Variants in RBM28 observed in about 807,000 individuals in gnomAD.
RBM28 encodes RNA-binding protein 28.
RBM28 carries 78 observed loss-of-function variants against 98.3 expected under a neutral mutation model. The observed-to-expected ratio is 0.79, with a 90% CI of 0.66 to 0.96. The LOEUF is 0.96. Ranked by LOEUF, RBM28 falls within the 40% of genes least tolerant of loss-of-function variation. RBM28 has a pLI of 0.00. For missense variants in RBM28, 838 were observed against 913.0 expected (o/e 0.92, Z 1.06); for synonymous variants, 306 against 330.9 (o/e 0.92, Z 0.82).
intron 10 of RBM28, among the ~76,000 whole-genome samples, chr7:128,328,657 G>C (rs1796406063): frequency 6.6e-6 from 1 of 152,136 alleles, no homozygotes; most frequent in Non-Finnish European, 1.5e-5. Flanking sequence ...CACTAAAAAA[G>C]AGACAAAAGA....
At chr7:128,315,872 C>T (rs1280552455) in intron 16 of RBM28, among the ~76,000 whole-genome samples, 1 of 152,040 alleles carries the variant, frequency 6.6e-6, no homozygotes, top group Non-Finnish European at 1.5e-5. Context: ...AGAAAAATGA[C>T]ATAGGTCAGA....
Position 128,343,877 on chromosome 7 carries a change from AC to A in RBM28, c.-85del. On this transcript the variant is annotated 5_prime_UTR_variant, in exon 1 of 19. Transcript: ENST00000223073. ...CCGAAACGCTGGCTTTGGTAGGACA[AC>A]CAAGCTCACACGCCGAGAGATTCCG... 2.2e-6 allele frequency: 2 copies of A among 923,764 alleles called. No individual in the cohort carries two copies. Among genetic ancestry groups the A allele is most frequent in the Non-Finnish European group, 3.2e-6 (2 of 620,112 alleles). 57.2% of individuals were successfully genotyped at this position (923,764 alleles called of 1,614,324 possible). A position where few individuals can be genotyped will look rare whatever the true frequency, so the allele number is the denominator to read the frequency against.
rs761381312 is a variant in RBM28 at position 128,343,780 on chromosome 7, G to A, written c.14C>T (p.Thr5Ile). 8 of 1,605,744 alleles carry A rather than the reference G, an allele frequency of 5.0e-6. No individual in the cohort carries two copies. The highest frequency in any genetic ancestry group is 6.8e-6 in the Non-Finnish European group (8 of 1,176,120). MAGL[T>I]LFVGRLPPSA... ...GGGCGGGAGGCGGCCCACAAATAAG[G>A]TCAGGCCGGCCATGAGACCGGGAAA... The change falls in exon 1 of 19, where the codon ACC becomes ATC. Residue 5 changes from threonine to isoleucine, a missense_variant. Thr to Ile is a moderately conservative substitution (Grantham distance 89). Coordinates refer to ENST00000223073, the MANE Select transcript of RBM28 (RefSeq NM_018077.3).
In RBM28 at chr7:128,338,274, C is replaced by G. The variant is rs1223464790; in HGVS notation, c.517G>C (p.Gly173Arg). 22 of 1,614,088 alleles carry G rather than the reference C, an allele frequency of 1.4e-5. No individual in the cohort carries two copies. Among genetic ancestry groups the G allele is most frequent in the Non-Finnish European group, 1.8e-5 (21 of 1,179,980 alleles). Residue 173 changes from glycine to arginine, a missense_variant, in exon 5 of 19, where the codon GGC (glycine) becomes CGC (arginine). By Grantham distance (125) the Gly-to-Arg change is moderately radical. Coordinates refer to ENST00000223073, the MANE Select transcript of RBM28 (RefSeq NM_018077.3). ...CCTTTTATCTCTTTCATGTTCATGC[C>G]TTTGAGAGCTTTACCTGCTTCTAGG... ...NLLEAGKALK[G>R]MNMKEIKGRT...
intron 1 of RBM28, 92 bp downstream of exon 1, chr7:128,343,584 G>A: frequency 2.3e-6 from 2 of 862,208 alleles, no homozygotes; most frequent in East Asian, 2.8e-5. Context: ...TCTCTTCGGG[G>A]AGGGTAAAGA....
In RBM28 at chr7:128,307,811, T is replaced by C. The variant is rs746108683; in HGVS notation, c.*2986A>G. On this transcript the variant is annotated 3_prime_UTR_variant, in exon 19 of 19. Coordinates refer to ENST00000223073, the MANE Select transcript of RBM28 (RefSeq NM_018077.3). ...CCTTGTCTTGGATGTTAAGAAAAAATTTGCTGTTGTTTTTCAAAATAATAG... is the reference window on the plus strand; with the variant it reads ...CCTTGTCTTGGATGTTAAGAAAAAACTTGCTGTTGTTTTTCAAAATAATAG... The C allele has an allele frequency of 1.3e-5, 2 of 152,006 alleles. No individual in the cohort carries two copies. The highest frequency in any genetic ancestry group is 2.9e-5 in the Non-Finnish European group (2 of 67,996). The allele number at this position is 152,006 out of a possible 1,614,324, so 9.4% of individuals were successfully genotyped here.
In RBM28 at chr7:128,299,629, AACTGGT is replaced by A. The variant is rs965867953; in HGVS notation, c.*11162_*11167del. On this transcript the variant is annotated 3_prime_UTR_variant, in exon 19 of 19. Transcript: ENST00000223073. ...TGAATGGGATTTCCATCACATAAAG[AACTGGT>A]TATGTAAATTATGTTACACTGATAC... The A allele has an allele frequency of 1.3e-5, 2 of 152,228 alleles. No homozygotes were observed. The highest frequency in any genetic ancestry group is 4.8e-5 in the African/African-American group (2 of 41,456). 9.4% of individuals were successfully genotyped at this position (152,228 alleles called of 1,614,324 possible). A position where few individuals can be genotyped will look rare whatever the true frequency, so the allele number is the denominator to read the frequency against.
chr7:128,330,734 G>T, intron 10 of RBM28, 85 bp downstream of exon 10: 1 of 977,152 alleles, frequency 1.0e-6, no homozygotes, highest in Non-Finnish European at 1.7e-6. Context: ...CCTCAAAATG[G>T]CACACATTAT....
At position 128,318,051 on chromosome 7, in the gene RBM28, A is replaced by T; in HGVS notation, c.1619T>A (p.Leu540Gln). The T allele has an allele frequency of 6.2e-7, 1 of 1,614,088 alleles. No homozygotes were observed. ...TTGGAACTCCGCAAAGGCGTAGCCC[A>T]GGGACTGACCCTTCATGTTCCCATG... is the stretch of plus-strand genomic sequence containing the variant. ...GVHGNMKGQS[L>Q]GYAFAEFQEH... Residue 540 changes from leucine to glutamine, a missense_variant, in exon 15 of 19, where the codon CTG becomes CAG. Leu to Gln is a moderately radical substitution (Grantham distance 113, BLOSUM62 -2). Transcript: ENST00000223073.
At chr7:128,343,547 G>A in intron 1 of RBM28, 129 bp downstream of exon 1, 3 of 644,556 alleles carry the variant, frequency 4.7e-6, no homozygotes, top group Non-Finnish European at 8.0e-6. Context: ...GAATCAGTTT[G>A]GAAAAGAAAC....
chr7:128,331,129 C>A (rs377388196), intron 9 of RBM28, among the ~76,000 whole-genome samples: 5 of 152,214 alleles, frequency 3.3e-5, no homozygotes, highest in African/African-American at 1.2e-4. Context: ...AATCTGAAAA[C>A]GTAAACAGAC....
chr7:128,334,868 T>C (rs1366862962), intron 8 of RBM28, among the ~76,000 whole-genome samples: 1 of 152,122 alleles, frequency 6.6e-6, no homozygotes, highest in East Asian at 1.9e-4. Context: ...TTGCTGTGCT[T>C]ATAAGAAAAG....
At chr7:128,331,735 T>C (rs1161566390) in intron 9 of RBM28, among the ~76,000 whole-genome samples, 2 of 152,180 alleles carry the variant, frequency 1.3e-5, no homozygotes, top group Non-Finnish European at 2.9e-5. Context: ...GAAGGAAATT[T>C]TGTTGTCCTA....
At position 128,298,188 on chromosome 7, in the gene RBM28, G is replaced by A. The variant is rs1031325231; in HGVS notation, c.*12609C>T. Reference sequence around the variant, plus strand: ...AACATAGACCCTTATCAGTAGTTCTGTTTTGCCTTTTGTCTTGTTTCCTCA... The same window carrying A: ...AACATAGACCCTTATCAGTAGTTCTATTTTGCCTTTTGTCTTGTTTCCTCA... On this transcript the variant is annotated 3_prime_UTR_variant, in exon 19 of 19. Coordinates refer to ENST00000223073, the MANE Select transcript of RBM28 (RefSeq NM_018077.3). The A allele has an allele frequency of 1.3e-5, 2 of 152,052 alleles. No individual in the cohort carries two copies. The highest frequency in any genetic ancestry group is 2.9e-5 in the Non-Finnish European group (2 of 68,006). The allele number at this position is 152,052 out of a possible 1,614,324, so 9.4% of individuals were successfully genotyped here. A position where few individuals can be genotyped will look rare whatever the true frequency, so the allele number is the denominator to read the frequency against.
At chr7:128,342,815 A>AT (rs1201284690) in intron 1 of RBM28, among the ~76,000 whole-genome samples, 1 of 152,192 alleles carries the variant, frequency 6.6e-6, no homozygotes, top group East Asian at 1.9e-4. Context: ...CCTCTGTTTC[A>AT]GTACCTTTGA....
At chr7:128,327,123 C>A (rs1051434704) in intron 10 of RBM28, among the ~76,000 whole-genome samples, 3 of 151,172 alleles carry the variant, frequency 2.0e-5, no homozygotes, top group African/African-American at 7.3e-5. Flanking sequence ...CAGAGCGAGA[C>A]CTTGTCTCAA....
rs1235722905 is a variant in RBM28, at chr7:128,305,975, T to C, written c.*4822A>G. The C allele has an allele frequency of 2.6e-5, 4 of 152,344 alleles. No homozygotes were observed. Among genetic ancestry groups the C allele is most frequent in the African/African-American group, 9.6e-5 (4 of 41,574 alleles). 9.4% of individuals were successfully genotyped at this position (152,344 alleles called of 1,614,324 possible). On this transcript the variant is annotated 3_prime_UTR_variant, in exon 19 of 19. Coordinates refer to ENST00000223073, the MANE Select transcript of RBM28 (RefSeq NM_018077.3). ...TGTCTGGTACATCCTTTACCACCAT[T>C]ATCCTCAATCACCAATCACTAAGCA...
At chr7:128,318,200 A>G (rs1044996908) in intron 14 of RBM28, 94 bp from the exon 15 acceptor site, 27 of 1,303,398 alleles carry the variant, frequency 2.1e-5, no homozygotes, top group African/African-American at 4.4e-5. Context: ...AAATCAGGCT[A>G]TTGGGTGGGC....
intron 1 of RBM28, 138 bp from the exon 2 acceptor site, chr7:128,339,929 C>T: frequency 9.5e-7 from 1 of 1,048,124 alleles, no homozygotes; most frequent in Non-Finnish European, 1.4e-6. Context: ...TATCAGTTTG[C>T]CAAAAGTCTC....
Sources: allele counts gnomAD v4.1 joint callset (sites outside exome capture counted in the v4.1 genomes callset), GRCh38; gene constraint gnomAD v4.1.1; transcripts MANE v1.5; gene names NCBI Gene and HGNC (gene_info 2026-07-23, HGNC 2026-07-21).